Variants in ADCY9 observed in about 807,000 individuals in gnomAD.
ADCY9 encodes adenylate cyclase type 9.
Under a neutral mutation model 101.5 loss-of-function variants are expected in ADCY9, and 50 were observed. That is an observed-to-expected ratio of 0.49 (90% confidence interval 0.39 to 0.62). The LOEUF (loss-of-function observed/expected upper bound fraction) is 0.62, where lower values mean the gene tolerates loss of function less well. Ranked by LOEUF, ADCY9 falls within the 20% of genes least tolerant of loss-of-function variation. The probability of loss-of-function intolerance (pLI) is 0.00; values close to 1 mark genes in which losing one functional copy is unlikely to be tolerated. For synonymous variants in ADCY9, 905 were observed against 769.3 expected, an observed-to-expected ratio of 1.18 and a Z score of -2.92; for missense variants, 1,662 against 1,800.4, an observed-to-expected ratio of 0.92 and a Z score of 1.39.
At chr16:3,986,811 T>C (rs901224748) in intron 6 of ADCY9, among the ~76,000 whole-genome samples, 8 of 152,230 alleles carry the variant, frequency 5.3e-5, no homozygotes, top group Admixed American at 4.6e-4. Flanking sequence ...TTGCCCAGGC[T>C]GGTCTATCTA....
At chr16:3,990,829 C>T (rs949242209) in intron 5 of ADCY9, among the ~76,000 whole-genome samples, 1 of 152,132 alleles carries the variant, frequency 6.6e-6, no homozygotes, top group Admixed American at 6.6e-5. Context: ...GATGGAGACT[C>T]GCTCTGTTGC....
intron 2 of ADCY9, among the ~76,000 whole-genome samples, chr16:4,107,778 T>C (rs561588099): frequency 6.6e-6 from 1 of 151,754 alleles, no homozygotes; most frequent in South Asian, 2.1e-4. Flanking sequence ...GTGCTCAGGG[T>C]TAATGGGGCG....
chr16:4,004,393 C>T (rs541336824), intron 3 of ADCY9, among the ~76,000 whole-genome samples: 35 of 151,944 alleles, frequency 2.3e-4, no homozygotes, highest in African/African-American at 7.2e-4. Flanking sequence ...GGTTATGTTA[C>T]ATTAGATAAG....
intron 2 of ADCY9, among the ~76,000 whole-genome samples, chr16:4,100,241 G>A (rs577365601): frequency 2.0e-5 from 3 of 152,178 alleles, no homozygotes; most frequent in Admixed American, 1.3e-4. Flanking sequence ...TGCCATGATT[G>A]TAAGTTTCCT....
chr16:4,059,653 T>C (rs1415269094), intron 2 of ADCY9, among the ~76,000 whole-genome samples: 1 of 151,952 alleles, frequency 6.6e-6, no homozygotes, highest in African/African-American at 2.4e-5. Flanking sequence ...ATTGTAGCAC[T>C]TTGGGAGGCC....
intron 2 of ADCY9, among the ~76,000 whole-genome samples, chr16:4,014,910 CCT>C (rs1310692666): frequency 6.7e-6 from 1 of 149,952 alleles, no homozygotes; most frequent in Non-Finnish European, 1.5e-5. Context: ...ACAGGCATCC[CCT>C]GAGTGACCAC....
Position 4,115,889 on chromosome 16 carries a change from C to G in ADCY9, c.-243G>C. 2.5e-6 allele frequency: 1 copy of G among 394,748 alleles called. No homozygotes were observed. Among genetic ancestry groups the G allele is most frequent in the Non-Finnish European group, 4.5e-6 (1 of 223,670 alleles). 24.5% of individuals were successfully genotyped at this position (394,748 alleles called of 1,614,324 possible). A position where few individuals can be genotyped will look rare whatever the true frequency, so the allele number is the denominator to read the frequency against. ...CCCAGCCCCGCGAGCCGCCTGCGCA[C>G]AAACAACTCCGCTGGCGGCGCGGAG... is the stretch of plus-strand genomic sequence containing the variant. On this transcript the variant is annotated 5_prime_UTR_variant, in exon 1 of 11. Transcript: ENST00000294016. This position sits in a 1 kb window ranked among gnomAD's most constrained non-coding sequence, Gnocchi z 6.2.
At chr16:4,108,950 C>A (rs1271901308) in intron 2 of ADCY9, among the ~76,000 whole-genome samples, 1 of 151,998 alleles carries the variant, frequency 6.6e-6, no homozygotes, top group African/African-American at 2.4e-5. Context: ...AGGTGATCCG[C>A]CTACCTCGGC....
At chr16:3,970,350 T>C (rs1294485290) in intron 10 of ADCY9, among the ~76,000 whole-genome samples, 1 of 150,358 alleles carries the variant, frequency 6.7e-6, no homozygotes, top group East Asian at 2.0e-4. Flanking sequence ...TTCTTCTTTT[T>C]TCTTTCTTGC....
intron 2 of ADCY9, among the ~76,000 whole-genome samples, chr16:4,031,403 C>G (rs1046228419): frequency 6.6e-6 from 1 of 152,090 alleles, no homozygotes; most frequent in Non-Finnish European, 1.5e-5. Flanking sequence ...TGTATTATAT[C>G]CCATTCAGGG....
chr16:4,075,760 G>A (rs888311052), intron 2 of ADCY9, among the ~76,000 whole-genome samples: 2 of 152,132 alleles, frequency 1.3e-5, no homozygotes, highest in African/African-American at 4.8e-5. Flanking sequence ...GGGGCCAGGC[G>A]GGAGGGCTCA....
intron 2 of ADCY9, among the ~76,000 whole-genome samples, chr16:4,056,335 A>G (rs1428753959): frequency 1.3e-5 from 2 of 152,018 alleles, no homozygotes; most frequent in African/African-American, 2.4e-5. Flanking sequence ...GCTCACTGTA[A>G]CCTCCGCTCC....
intron 2 of ADCY9, among the ~76,000 whole-genome samples, chr16:4,053,069 T>C (rs901520794): frequency 5.3e-5 from 8 of 152,244 alleles, no homozygotes; most frequent in African/African-American, 1.9e-4. Flanking sequence ...TTAAGATGTT[T>C]TGACATGTCA....
At chr16:4,034,505 G>A (rs562777880) in intron 2 of ADCY9, among the ~76,000 whole-genome samples, 1 of 152,238 alleles carries the variant, frequency 6.6e-6, no homozygotes, top group African/African-American at 2.4e-5. Flanking sequence ...CGCCTCCCAG[G>A]TTCAAGAGTT....
chr16:3,983,082 G>C (rs1567421838), intron 7 of ADCY9, 150 bp downstream of exon 7: 1 of 749,284 alleles, frequency 1.3e-6, no homozygotes, highest in East Asian at 2.7e-5. Context: ...TGGGGCACAG[G>C]GCTCGGGGAG....
rs1431883830 is a variant in ADCY9, at chr16:4,007,502, C to A, written c.1750G>T (p.Ala584Ser). 1.2e-6 allele frequency: 2 copies of A among 1,614,086 alleles called. No individual in the cohort carries two copies. Among genetic ancestry groups the A allele is most frequent in the African/African-American group, 1.3e-5 (1 of 75,044 alleles). The change falls in exon 3 of 11, where the codon GCA becomes TCA. Residue 584 changes from alanine to serine, a missense_variant. By Grantham distance (99) the Ala-to-Ser change is moderately conservative (BLOSUM62 1). This residue lies in a region of ADCY9 where 624 missense variants were observed against 639.1 expected (regional missense o/e 0.98). Transcript: ENST00000294016. ...QRAKESRCSC[A>S]EALLSGFEVI... ...TCAAAGCCAGAAAGCAAGGCCTCTG[C>A]ACAGCTGCAGCGAGACTCCTTGGCT...
intron 3 of ADCY9, among the ~76,000 whole-genome samples, chr16:4,000,964 T>TACACACACACACACACACACA (rs1284156698): frequency 1.1e-4 from 5 of 44,944 alleles, no homozygotes; most frequent in Admixed American, 2.6e-4. Flanking sequence ...TCCATCCCTC[T>TACACACACACACACACACACA]CTCTACACAC....
At chr16:4,102,547 G>A (rs1017107300) in intron 2 of ADCY9, among the ~76,000 whole-genome samples, 15 of 151,736 alleles carry the variant, frequency 9.9e-5, no homozygotes, top group African/African-American at 2.9e-4. Context: ...TACCTCAGCC[G>A]CCCGAGTAGC....
At chr16:4,059,053 T>G (rs111500860) in intron 2 of ADCY9, among the ~76,000 whole-genome samples, 1 of 152,154 alleles carries the variant, frequency 6.6e-6, no homozygotes, top group Non-Finnish European at 1.5e-5. Flanking sequence ...ATTTCTATAT[T>G]GCCAAATTTT....
Sources: gnomAD v4.1 joint callset for allele counts (sites outside exome capture counted in the v4.1 genomes callset) on GRCh38, gnomAD v4.1.1 for gene constraint, gnomAD v4.1.1 regional missense constraint, Gnocchi (gnomAD v3.1) non-coding constraint, MANE v1.5 for transcripts, NCBI Gene and HGNC (gene_info 2026-07-23, HGNC 2026-07-21) for gene names.